The following MGAT4C variants were observed in gnomAD, a reference collection of about 807,000 sequenced individuals.
The protein encoded by MGAT4C is MGAT4 family member C.
A neutral mutation model predicts 40.1 loss-of-function variants in MGAT4C; 19 were observed. The observed-to-expected ratio is 0.47, with a 90% CI of 0.33 to 0.70. The LOEUF (loss-of-function observed/expected upper bound fraction) is 0.70, where lower values mean the gene tolerates loss of function less well. MGAT4C is among the 30% of genes least tolerant of loss of function. The pLI, the probability that MGAT4C is intolerant of heterozygous loss-of-function variation, is 0.02. For synonymous variants in MGAT4C, 181 were observed against 187.1 expected, an observed-to-expected ratio of 0.97 and a Z score of 0.27; for missense variants, 491 against 563.2, an observed-to-expected ratio of 0.87 and a Z score of 1.30.
chr12:86,199,221 G>A (rs1423780603), intron 1 of MGAT4C, among the ~76,000 whole-genome samples: 1 of 152,156 alleles, frequency 6.6e-6, no homozygotes, highest in Non-Finnish European at 1.5e-5. Context: ...GAATAAGGAT[G>A]CTCGTGGAAT....
At chr12:86,456,955 C>T (rs955389090) in intron 2 of MGAT4C, among the ~76,000 whole-genome samples, 5 of 152,010 alleles carry the variant, frequency 3.3e-5, no homozygotes, top group Non-Finnish European at 7.4e-5. Flanking sequence ...AAAGACACCC[C>T]CAGGGAGCAT....
intron 1 of MGAT4C, among the ~76,000 whole-genome samples, chr12:86,098,046 C>T (rs1160610338): frequency 6.6e-6 from 1 of 151,654 alleles, no homozygotes; most frequent in African/African-American, 2.4e-5. Flanking sequence ...TCTTTCTCTA[C>T]ACTTTTCAAA....
chr12:86,263,202 C>T (rs540436016), intron 4 of MGAT4C, among the ~76,000 whole-genome samples: 7 of 152,106 alleles, frequency 4.6e-5, no homozygotes, highest in South Asian at 2.1e-4. Flanking sequence ...TGTAAATTTA[C>T]GGGATACAAG....
At chr12:86,645,417 T>G (rs531038100) in intron 2 of MGAT4C, among the ~76,000 whole-genome samples, 1 of 151,890 alleles carries the variant, frequency 6.6e-6, no homozygotes, top group African/African-American at 2.4e-5. Flanking sequence ...ATTATAAAAT[T>G]TAAATCATCT....
intron 2 of MGAT4C, among the ~76,000 whole-genome samples, chr12:86,603,639 A>G (rs1961910458): frequency 7.9e-6 from 1 of 126,862 alleles, no homozygotes; most frequent in East Asian, 2.2e-4. Flanking sequence ...TAGACTATAT[A>G]TAGTATATAT....
chr12:86,775,232 C>G lies in MGAT4C; in HGVS notation c.-261-47991G>C, dbSNP rs150807591. On this transcript the variant is annotated intron_variant, in intron 1 of 7. Coordinates refer to the MGAT4C transcript ENST00000548651. ...TGTGTCTTTAACTTGGACATGTTTA[C>G]AAAGTATTTACCATCCTACTGAACA... 3.0e-3 allele frequency among the ~76,000 whole-genome samples: 454 copies of G among 152,108 alleles called. 2 individuals are homozygous for G. Among genetic ancestry groups the G allele is most frequent in the African/African-American group, 0.011 (447 of 41,504 alleles).
intron 1 of MGAT4C, among the ~76,000 whole-genome samples, chr12:86,752,821 A>G (rs1287790498): frequency 6.6e-6 from 1 of 152,100 alleles, no homozygotes; most frequent in Non-Finnish European, 1.5e-5. Flanking sequence ...CCTTTTTAAA[A>G]TATCTTGCTG....
At chr12:86,074,373 G>T (rs1026523973) in intron 1 of MGAT4C, among the ~76,000 whole-genome samples, 22 of 150,758 alleles carry the variant, frequency 1.5e-4, no homozygotes, top group Admixed American at 1.1e-3. Flanking sequence ...TAGATAGATA[G>T]ATATTCCATT....
intron 2 of MGAT4C, among the ~76,000 whole-genome samples, chr12:86,654,887 T>G (rs1272312714): frequency 1.3e-5 from 2 of 151,906 alleles, no homozygotes; most frequent in Non-Finnish European, 2.9e-5. Context: ...TACTAGAACT[T>G]TTTGTGGAAG....
rs141778537 is a variant in MGAT4C at position 85,975,313 on chromosome 12, G to T, written c.*3976C>A. 306 of 150,878 alleles carry T rather than the reference G, an allele frequency of 2.0e-3. No homozygotes were observed. The highest frequency in any genetic ancestry group is 7.1e-3 in the African/African-American group (294 of 41,384). 9.3% of individuals were successfully genotyped at this position (150,878 alleles called of 1,614,324 possible). A position where few individuals can be genotyped will look rare whatever the true frequency, so the allele number is the denominator to read the frequency against. Reference sequence around the variant, plus strand: ...GAAGGCCTCTGGTAATGTTTTCCAGGGTCATATCCTGTTACATATACGTGA... The same window carrying T: ...GAAGGCCTCTGGTAATGTTTTCCAGTGTCATATCCTGTTACATATACGTGA... On this transcript the variant is annotated 3_prime_UTR_variant, in exon 5 of 5. Transcript: ENST00000611864.
chr12:86,704,411 A>G (rs75094352), intron 2 of MGAT4C, among the ~76,000 whole-genome samples: 9 of 149,542 alleles, frequency 6.0e-5, no homozygotes, highest in Admixed American at 1.3e-4. Flanking sequence ...TTTACGATGG[A>G]AAAAAAAACA....
chr12:86,717,180 T>C (rs1477653571), intron 2 of MGAT4C, among the ~76,000 whole-genome samples: 1 of 151,086 alleles, frequency 6.6e-6, no homozygotes, highest in Middle Eastern at 3.2e-3. Flanking sequence ...ATTATAATTA[T>C]TACAAAAAAA....
chr12:86,500,148 G>A lies in MGAT4C; in HGVS notation c.-228-64883C>T, dbSNP rs118124594. On this transcript the variant is annotated intron_variant, in intron 2 of 7. Coordinates refer to the MGAT4C transcript ENST00000548651. ...TATGTATGTATGTGTATATATACAT[G>A]TATGTGTGTATGTATGGTGAATATC... is the stretch of plus-strand genomic sequence containing the variant. Among the ~76,000 whole-genome samples, 1,326 of 151,804 alleles carry A rather than the reference G, an allele frequency of 8.7e-3. 16 individuals are homozygous for A. The highest frequency in any genetic ancestry group is 0.015 in the Non-Finnish European group (1,027 of 67,870).
chr12:86,531,749 A>G (rs956185540), intron 2 of MGAT4C, among the ~76,000 whole-genome samples: 1 of 152,000 alleles, frequency 6.6e-6, no homozygotes, highest in Non-Finnish European at 1.5e-5. Context: ...TACAAACAAA[A>G]TGCTCTATTT....
intron 2 of MGAT4C, among the ~76,000 whole-genome samples, chr12:85,994,347 C>T (rs1001975573): frequency 6.6e-6 from 1 of 152,148 alleles, no homozygotes; most frequent in Non-Finnish European, 1.5e-5. Context: ...CCCAGAGTAA[C>T]TATGATACAG....
At chr12:86,562,376 A>G (rs533641849) in intron 2 of MGAT4C, among the ~76,000 whole-genome samples, 19 of 152,228 alleles carry the variant, frequency 1.2e-4, no homozygotes, top group East Asian at 5.8e-4. Context: ...TGCCACTTGG[A>G]ATTGGGACAG....
intron 2 of MGAT4C, among the ~76,000 whole-genome samples, chr12:86,457,830 A>G (rs2136292649): frequency 6.6e-6 from 1 of 152,202 alleles, no homozygotes; most frequent in East Asian, 1.9e-4. Flanking sequence ...AAAACAAAAT[A>G]ATAATAAATA....
chr12:86,796,373 C>T (rs1007333238), intron 1 of MGAT4C, among the ~76,000 whole-genome samples: 1 of 151,966 alleles, frequency 6.6e-6, no homozygotes, highest in Non-Finnish European at 1.5e-5. Flanking sequence ...TTTGCCAAAG[C>T]AAGGTTCATA....
At position 85,960,952 on chromosome 12, in the gene MGAT4C, C is replaced by G. The variant is rs1251492357; in HGVS notation, c.*18337G>C. 3.3e-5 allele frequency: 5 copies of G among 151,894 alleles called. No individual in the cohort carries two copies. The highest frequency in any genetic ancestry group is 5.9e-5 in the Non-Finnish European group (4 of 67,834). 9.4% of individuals were successfully genotyped at this position (151,894 alleles called of 1,614,324 possible). On this transcript the variant is annotated 3_prime_UTR_variant, in exon 5 of 5. Transcript: ENST00000611864. Reference sequence around the variant, plus strand: ...AAATCATTGTATTCACATAACTTTCCAGGGCACTATGCATTTTTAAACAAG... The same window carrying G: ...AAATCATTGTATTCACATAACTTTCGAGGGCACTATGCATTTTTAAACAAG...
Sources: gnomAD v4.1 joint callset for allele counts (sites outside exome capture counted in the v4.1 genomes callset) on GRCh38, gnomAD v4.1.1 for gene constraint, MANE v1.5 for transcripts, NCBI Gene and HGNC (gene_info 2026-07-23, HGNC 2026-07-21) for gene names.